The following TAFA1 variants were observed in gnomAD, a reference collection of about 807,000 sequenced individuals.
TAFA1 encodes the protein TAFA chemokine like family member 1.
Under a neutral mutation model 18.5 loss-of-function variants are expected in TAFA1, and 4 were observed. The ratio of observed to expected loss-of-function variants is 0.22; its 90% CI spans 0.11 to 0.49. The LOEUF (loss-of-function observed/expected upper bound fraction) is 0.49, where lower values mean the gene tolerates loss of function less well. Among genes scored for constraint, TAFA1 ranks in the 20% least tolerant of loss-of-function variants. The pLI, the probability that TAFA1 is intolerant of heterozygous loss-of-function variation, is 0.98. For missense variants in TAFA1, 147 were observed against 169.0 expected (o/e 0.87, Z 0.72); for synonymous variants, 56 against 55.2 (o/e 1.01, Z -0.06).
Position 68,498,799 on chromosome 3 carries a change from A to C in TAFA1, c.260-39957A>C, listed in dbSNP as rs548035804. 4.8e-5 allele frequency among the ~76,000 whole-genome samples: 7 copies of C among 146,224 alleles called. No individual in the cohort carries two copies. In the East Asian group the frequency reaches 1.5e-3, roughly 30 times the overall value. ...ACTATTTTAGTGGCCACCATGTAGA[A>C]AGAAACATTTGAAGTAATTCTTGTG... On this transcript the variant is annotated intron_variant, in intron 3 of 4. Transcript: ENST00000478136.
chr3:68,113,889 T>C (rs13067303), intron 2 of TAFA1, among the ~76,000 whole-genome samples: 1 of 12,856 alleles, frequency 7.8e-5, no homozygotes, highest in Non-Finnish European at 1.9e-4. Flanking sequence ...TGGGGTGTAG[T>C]TTTTTTTGTT....
intron 2 of TAFA1, among the ~76,000 whole-genome samples, chr3:68,197,532 C>T (rs1206913410): frequency 2.6e-5 from 4 of 151,422 alleles, no homozygotes; most frequent in Non-Finnish European, 5.9e-5. Flanking sequence ...TTCTCCATAT[C>T]AGTGGCAACA....
chr3:68,227,145 GT>G (rs61595117), intron 2 of TAFA1, among the ~76,000 whole-genome samples: 6 of 150,856 alleles, frequency 4.0e-5, no homozygotes, highest in East Asian at 2.0e-4. Context: ...CAAAATGTCT[GT>G]TTTTTTTTGT....
intron 2 of TAFA1, among the ~76,000 whole-genome samples, chr3:68,350,448 G>A (rs1299623785): frequency 6.6e-6 from 1 of 152,102 alleles, no homozygotes; most frequent in African/African-American, 2.4e-5. Context: ...AATCATGAGG[G>A]ATGGGAGGGA....
chr3:68,226,280 T>G (rs1469536944), intron 2 of TAFA1, among the ~76,000 whole-genome samples: 1 of 152,232 alleles, frequency 6.6e-6, no homozygotes, highest in Non-Finnish European at 1.5e-5. Context: ...CCAAAGTGTC[T>G]GATATGCTTT....
At chr3:67,999,973 G>C (rs898312082), upstream of TAFA1, among the ~76,000 whole-genome samples, 3 of 151,914 alleles carry the variant, frequency 2.0e-5, no homozygotes, top group Non-Finnish European at 2.9e-5. Flanking sequence ...ATTTTTAGTA[G>C]AGACAGGGTT....
At chr3:68,533,084 C>CA (rs57101788) in intron 3 of TAFA1, among the ~76,000 whole-genome samples, 7,129 of 90,608 alleles carry the variant, frequency 0.079, 486 homozygotes, top group East Asian at 0.24. Context: ...GTAAGGAGAA[C>CA]AAAAAAAAAA....
In TAFA1 at chr3:68,477,661, G is replaced by A. The variant is rs1311803767; in HGVS notation, c.259+60241G>A. 5.3e-5 allele frequency among the ~76,000 whole-genome samples: 8 copies of A among 152,004 alleles called. No homozygotes were observed. The East Asian group carries it at 7.7e-4, about 15-fold the overall frequency. The stretch of plus-strand genomic sequence containing the variant: ...CTCCCAAAGTGCTGGGATTACAGGC[G>A]TAAACAGTGTTCTTATAGACATTCT... On this transcript the variant is annotated intron_variant, in intron 3 of 4. Transcript: ENST00000478136.
chr3:68,307,940 T>G (rs1025290819), intron 2 of TAFA1, among the ~76,000 whole-genome samples: 2 of 152,160 alleles, frequency 1.3e-5, no homozygotes, highest in African/African-American at 4.8e-5. Flanking sequence ...GTTTAAGCCT[T>G]CTTAAGTGTT....
intron 2 of TAFA1, among the ~76,000 whole-genome samples, chr3:68,186,292 C>T (rs555163092): frequency 6.6e-6 from 1 of 152,144 alleles, no homozygotes; most frequent in East Asian, 2.0e-4. Flanking sequence ...CTAAACAGGT[C>T]CTGGTGTGCT....
At chr3:68,106,665 T>A (rs1237931713) in intron 2 of TAFA1, among the ~76,000 whole-genome samples, 1 of 152,128 alleles carries the variant, frequency 6.6e-6, no homozygotes, top group Non-Finnish European at 1.5e-5. Context: ...GTCGATGGAC[T>A]GGGAGAAAAT....
chr3:68,362,800 C>A (rs115752482), intron 2 of TAFA1, among the ~76,000 whole-genome samples: 82 of 151,946 alleles, frequency 5.4e-4, no homozygotes, highest in Non-Finnish European at 1.0e-3. Flanking sequence ...AGAGATGATA[C>A]GGTAGGTTCT....
chr3:68,056,479 A>G (rs1407582944), intron 2 of TAFA1, among the ~76,000 whole-genome samples: 1 of 152,194 alleles, frequency 6.6e-6, no homozygotes. Flanking sequence ...TAATTACTCC[A>G]GAATTAGATC....
chr3:68,296,749 A>G (rs1396168497), intron 2 of TAFA1, among the ~76,000 whole-genome samples: 1 of 152,204 alleles, frequency 6.6e-6, no homozygotes, highest in Non-Finnish European at 1.5e-5. Context: ...ATGTGCAGAC[A>G]CTGTGCTAGG....
chr3:68,462,813 G>C (rs1356369230), intron 3 of TAFA1, among the ~76,000 whole-genome samples: 1 of 152,046 alleles, frequency 6.6e-6, no homozygotes, highest in Non-Finnish European at 1.5e-5. Flanking sequence ...ATATATCAGA[G>C]ACTCCATTGC....
intron 3 of TAFA1, among the ~76,000 whole-genome samples, chr3:68,483,434 A>T (rs2072273904): frequency 6.6e-6 from 1 of 152,202 alleles, no homozygotes; most frequent in Non-Finnish European, 1.5e-5. Context: ...CCATTCAGCA[A>T]ATATTTACTG....
chr3:68,262,307 GTATATATATATATATATATATA>G (rs763753757), intron 2 of TAFA1, among the ~76,000 whole-genome samples: 1,986 of 32,260 alleles, frequency 0.062, 85 homozygotes, highest in Admixed American at 0.16. Context: ...GATATGGAGG[GTATATATATATATATATATATA>G]TATATATATA....
chr3:68,181,589 T>C (rs1162595328), intron 2 of TAFA1, among the ~76,000 whole-genome samples: 1 of 152,204 alleles, frequency 6.6e-6, no homozygotes, highest in Non-Finnish European at 1.5e-5. Context: ...TTTTATGCAC[T>C]GTTTAGATTT....
chr3:68,506,415 C>T (rs2072754957), intron 3 of TAFA1, among the ~76,000 whole-genome samples: 1 of 151,828 alleles, frequency 6.6e-6, no homozygotes, highest in South Asian at 2.1e-4. Flanking sequence ...CAGAGATGAC[C>T]CAAGGACATA....
Sources: gnomAD v4.1 joint callset for allele counts (sites outside exome capture counted in the v4.1 genomes callset) on GRCh38, gnomAD v4.1.1 for gene constraint, MANE v1.5 for transcripts, NCBI Gene and HGNC (gene_info 2026-07-23, HGNC 2026-07-21) for gene names.